Variants in CRYBG1 observed in about 807,000 individuals in gnomAD.
CRYBG1 encodes crystallin beta-gamma domain containing 1, also known as beta/gamma crystallin domain-containing protein 1.
CRYBG1 carries 139 observed loss-of-function variants against 189.2 expected under a neutral mutation model. That is an observed-to-expected ratio of 0.73 (90% CI 0.64 to 0.85). The LOEUF is 0.85. Ranked by LOEUF, CRYBG1 falls within the 40% of genes least tolerant of loss-of-function variation. CRYBG1 has a pLI of 0.00. For synonymous variants in CRYBG1, 1,023 were observed against 1,017.1 expected, an observed-to-expected ratio of 1.01 and a Z score of -0.11; for missense variants, 2,611 against 2,675.8, an observed-to-expected ratio of 0.98 and a Z score of 0.53.
chr6:106,478,492 A>C (rs968264217), intron 2 of CRYBG1, among the ~76,000 whole-genome samples: 2 of 152,248 alleles, frequency 1.3e-5, no homozygotes, highest in Non-Finnish European at 2.9e-5. Context: ...AGACAGTGTG[A>C]CATTTGGCAG....
chr6:106,461,280 A>C (rs1304775107), intron 2 of CRYBG1, among the ~76,000 whole-genome samples: 2 of 152,178 alleles, frequency 1.3e-5, no homozygotes, highest in African/African-American at 2.4e-5. Context: ...CTGCCCATGT[A>C]AGGAATTGCT....
In CRYBG1 at chr6:106,525,366, C is replaced by T. The variant is rs551389818; in HGVS notation, c.4392C>T (p.Leu1464=). Residue 1464 remains leucine, a synonymous_variant, in exon 6 of 22, where the codon CTC becomes CTT. Coordinates refer to ENST00000633556, the MANE Select transcript of CRYBG1 (RefSeq NM_001371242.2). ...CTTGGAGCCTCTCTCCAGTGATACT[C>T]ATAAAAGTTGTTAGAGGATGGTAAG... ...CSSWSLSPVI[L]IKVVRGCWIL... 2 of 1,613,794 alleles carry T rather than the reference C, an allele frequency of 1.2e-6. No homozygotes were observed. Among genetic ancestry groups the T allele is most frequent in the African/African-American group, 1.3e-5 (1 of 74,922 alleles).
intron 1 of CRYBG1, among the ~76,000 whole-genome samples, chr6:106,414,606 G>A (rs1172032475): frequency 6.6e-6 from 1 of 152,170 alleles, no homozygotes; most frequent in Non-Finnish European, 1.5e-5. Context: ...CTTACTTGGT[G>A]TATATTTTTG....
At chr6:106,378,345 A>G (rs535674677) in intron 1 of CRYBG1, among the ~76,000 whole-genome samples, 208 of 152,264 alleles carry the variant, frequency 1.4e-3, no homozygotes, top group Non-Finnish European at 2.2e-3. Context: ...GGGCATTCCC[A>G]TTCATTTCCC....
At chr6:106,457,672 C>T (rs180822458) in intron 2 of CRYBG1, among the ~76,000 whole-genome samples, 112 of 152,304 alleles carry the variant, frequency 7.4e-4, no homozygotes, top group Admixed American at 7.2e-3. Context: ...TACCTTGTCC[C>T]AAATTTCTGC....
chr6:106,469,023 TTC>T (rs1772169845), intron 2 of CRYBG1, among the ~76,000 whole-genome samples: 1 of 152,200 alleles, frequency 6.6e-6, no homozygotes, highest in Non-Finnish European at 1.5e-5. Flanking sequence ...AGCGTTCCAT[TTC>T]TCTGTGGTTT....
At chr6:106,378,171 A>G (rs1009159951) in intron 1 of CRYBG1, among the ~76,000 whole-genome samples, 7 of 152,164 alleles carry the variant, frequency 4.6e-5, no homozygotes, top group African/African-American at 1.7e-4. Flanking sequence ...AGCCTTGAGC[A>G]TTCTTTTCCC....
intron 1 of CRYBG1, among the ~76,000 whole-genome samples, chr6:106,365,150 T>C (rs892170434): frequency 6.6e-6 from 1 of 152,178 alleles, no homozygotes; most frequent in African/African-American, 2.4e-5. Context: ...ATAAAAAGGC[T>C]GCATGTGGTG....
Position 106,541,575 on chromosome 6 carries a change from GT to G in CRYBG1, c.4846-4del, listed in dbSNP as rs752128412. 1.2e-5 allele frequency: 20 copies of G among 1,610,682 alleles called. No individual in the cohort carries two copies. Among genetic ancestry groups the G allele is most frequent in the Non-Finnish European group, 1.7e-5 (20 of 1,177,456 alleles). ...GAAAAACTATTTTTCTTACTATGTT[GT>G]TTTTTTCAGGGTGGCCGTAAAGTTG... On this transcript the variant is annotated splice_polypyrimidine_tract_variant and intron_variant, in intron 9 of 21. Coordinates refer to ENST00000633556, the MANE Select transcript of CRYBG1 (RefSeq NM_001371242.2).
rs978656354 is a variant in CRYBG1 at position 106,425,691 on chromosome 6, G to A, written c.174-26003G>A. ...TTGTCATTCAGGCTGGAGTGCAATG[G>A]CGTGATCTCGGCTCACTGCAACCTC... On this transcript the variant is annotated intron_variant, in intron 1 of 21. Transcript: ENST00000633556. Among the ~76,000 whole-genome samples the A allele has an allele frequency of 3.3e-5, 5 of 152,150 alleles. No homozygotes were observed. In the South Asian group the frequency reaches 6.2e-4, roughly 19 times the overall value.
intron 1 of CRYBG1, among the ~76,000 whole-genome samples, chr6:106,433,615 A>G (rs1387379417): frequency 6.6e-6 from 1 of 151,298 alleles, no homozygotes; most frequent in Admixed American, 6.6e-5. Flanking sequence ...AGTTCATGAT[A>G]TTTCTGGGCT....
chr6:106,555,959 G>T, intron 17 of CRYBG1, 62 bp downstream of exon 17: 1 of 1,592,448 alleles, frequency 6.3e-7, no homozygotes, highest in Non-Finnish European at 8.6e-7. Flanking sequence ...GATGGTCAGA[G>T]TGAGGTAACC....
At chr6:106,477,706 G>A (rs1183011191) in intron 2 of CRYBG1, among the ~76,000 whole-genome samples, 8 of 152,238 alleles carry the variant, frequency 5.3e-5, no homozygotes, top group Admixed American at 1.3e-4. Flanking sequence ...CAACGGTTCC[G>A]TTCGTGGCCC....
intron 2 of CRYBG1, among the ~76,000 whole-genome samples, chr6:106,496,511 A>AT (rs67623524): frequency 1.5e-4 from 22 of 143,560 alleles, no homozygotes; most frequent in African/African-American, 3.8e-4. Flanking sequence ...CAATTTGCCA[A>AT]TTTTTTTTTT....
chr6:106,461,284 A>G (rs1318218486), intron 2 of CRYBG1, among the ~76,000 whole-genome samples: 2 of 152,190 alleles, frequency 1.3e-5, no homozygotes, highest in Non-Finnish European at 2.9e-5. Context: ...CCATGTAAGG[A>G]ATTGCTAATG....
intron 2 of CRYBG1, among the ~76,000 whole-genome samples, chr6:106,466,015 T>A (rs1772107432): frequency 6.6e-6 from 1 of 152,236 alleles, no homozygotes; most frequent in African/African-American, 2.4e-5. Context: ...AGTCACTGAA[T>A]AGAATGATAT....
rs1234074105 is a variant in CRYBG1, at chr6:106,546,868, G to T, written c.5312+1935G>T. Among the ~76,000 whole-genome samples the T allele has an allele frequency of 2.0e-5, 3 of 152,176 alleles. No homozygotes were observed. The East Asian group carries it at 5.8e-4, about 29-fold the overall frequency. On this transcript the variant is annotated intron_variant, in intron 13 of 21. Transcript: ENST00000633556. ...CATTTTGATACTCACCAGTTGTGTT[G>T]GTTCTATTAGTCAGAGCCTAGTCAT...
chr6:106,362,401 G>T (rs2791112), intron 1 of CRYBG1, among the ~76,000 whole-genome samples: 101,228 of 152,078 alleles, frequency 0.67, 33,862 homozygotes, highest in African/African-American at 0.73. Context: ...TGTCATCAAA[G>T]AATTGTTAGT....
At chr6:106,484,093 A>G (rs1414973750) in intron 2 of CRYBG1, among the ~76,000 whole-genome samples, 1 of 152,144 alleles carries the variant, frequency 6.6e-6, no homozygotes, top group Non-Finnish European at 1.5e-5. Context: ...AGCACCATTT[A>G]TTGAAGAGAC....
Sources: allele counts gnomAD v4.1 joint callset (sites outside exome capture counted in the v4.1 genomes callset), GRCh38; gene constraint gnomAD v4.1.1; transcripts MANE v1.5; gene names NCBI Gene and HGNC (gene_info 2026-07-23, HGNC 2026-07-21).